The following ZNF596 variants were observed in gnomAD, a reference collection of about 807,000 sequenced individuals.
The protein encoded by ZNF596 is zinc finger protein 596.
In ZNF596, 45 loss-of-function variants were observed where a neutral mutation model predicts 48.3. The observed-to-expected ratio is 0.93, with a 90% CI of 0.73 to 1.19. ZNF596 has a LOEUF of 1.19. Among genes scored for constraint, ZNF596 ranks in the 50% most tolerant of loss-of-function variants. The pLI is 0.00. For synonymous variants in ZNF596, 270 were observed against 202.0 expected (o/e 1.34, Z -2.85); for missense variants, 848 against 599.7 (o/e 1.41, Z -4.32).
chr8:240,864 A>G lies in ZNF596; in HGVS notation c.-32A>G. The G allele has an allele frequency of 2.5e-6, 4 of 1,613,986 alleles. No homozygotes were observed. Among genetic ancestry groups the G allele is most frequent in the Non-Finnish European group, 3.4e-6 (4 of 1,179,884 alleles). ...GCTTGGATGGTGTGAGTGAAAACCC[A>G]GAGGAATACATTTGGTGGCTGAGCT... On this transcript the variant is annotated 5_prime_UTR_variant, in exon 2 of 6. Transcript: ENST00000398612.
chr8:232,586 G>C lies in ZNF596; in HGVS notation c.-181G>C. On this transcript the variant is annotated 5_prime_UTR_variant, in exon 1 of 6. Coordinates refer to ENST00000398612, the MANE Select transcript of ZNF596 (RefSeq NM_001042416.3). ...GAAATGCTCCGAAGCCTGTCGCCCA[G>C]CTGCCAGATCTGCGTCTGTGTCCGG... 3.1e-6 allele frequency: 1 copy of C among 319,920 alleles called. No homozygotes were observed. The highest frequency in any genetic ancestry group is 6.4e-6 in the Non-Finnish European group (1 of 155,912). 19.8% of individuals were successfully genotyped at this position (319,920 alleles called of 1,614,324 possible).
intron 5 of ZNF596, 44 bp downstream of exon 5, chr8:244,745 T>C (rs1271254264): frequency 6.5e-7 from 1 of 1,527,850 alleles, no homozygotes; most frequent in Non-Finnish European, 9.0e-7. Flanking sequence ...TATAGAAACC[T>C]GGACATTAAA....
chr8:232,229 G>A (rs1489065878), upstream of ZNF596: 2 of 159,838 alleles, frequency 1.3e-5, no homozygotes, highest in African/African-American at 4.8e-5. Context: ...CGGAGACACT[G>A]GCAGGGCCAG....
chr8:246,009 G>T lies in ZNF596; in HGVS notation c.1162G>T (p.Glu388Ter). Residue 388 changes from glutamate (E) to a stop codon, truncating the protein, a stop_gained, in exon 6 of 6, where the codon GAG becomes TAG. Coordinates refer to ENST00000398612, the MANE Select transcript of ZNF596 (RefSeq NM_001042416.3). LOFTEE classifies it high-confidence loss of function. Reference sequence around the variant, plus strand: ...ACGACATGAGAGAATTCACACTGGAGAGAAACCATATGAGTGCCATGTATG... The same window carrying T: ...ACGACATGAGAGAATTCACACTGGATAGAAACCATATGAGTGCCATGTATG... ...LKRHERIHTGEKPYECHVCGK... is the reference protein window; with the variant it reads ...LKRHERIHTG 1 of 1,614,114 alleles carries T rather than the reference G, an allele frequency of 6.2e-7. No individual in the cohort carries two copies. Among genetic ancestry groups the T allele is most frequent in the East Asian group, 2.2e-5 (1 of 44,860 alleles).
chr8:244,620 TA>T lies in ZNF596; in HGVS notation c.226del (p.Arg76GlufsTer27). 1 of 1,606,778 alleles carries T rather than the reference TA, an allele frequency of 6.2e-7. No homozygotes were observed. The highest frequency in any genetic ancestry group is 8.5e-7 in the Non-Finnish European group (1 of 1,175,484). On this transcript the variant is annotated frameshift_variant and splice_region_variant, in exon 5 of 6. Coordinates refer to ENST00000398612, the MANE Select transcript of ZNF596 (RefSeq NM_001042416.3). LOFTEE classifies it high-confidence loss of function. ...TCTTTTTTTTTTCATTTATTTCAGGTAGAGAAGTTGGCATTAAACATCAAGA... is the reference window on the plus strand; with the variant it reads ...TCTTTTTTTTTTCATTTATTTCAGGTGAGAAGTTGGCATTAAACATCAAGA... ...STQRISLLQG[R>X]EVGIKHQEIP...
intron 1 of ZNF596, among the ~76,000 whole-genome samples, chr8:240,150 T>C (rs1359700184): frequency 5.3e-5 from 8 of 152,214 alleles, no homozygotes; most frequent in Admixed American, 3.3e-4. Context: ...GTTTTCATGT[T>C]CTTAGTGTCC....
At chr8:243,625 C>A in intron 3 of ZNF596, 97 bp from the exon 4 acceptor site, 1 of 1,194,328 alleles carries the variant, frequency 8.4e-7, no homozygotes, top group Non-Finnish European at 1.2e-6. Context: ...CCTTCAGTGG[C>A]TAACTTATCC....
intron 1 of ZNF596, chr8:234,384 G>A (rs1796542589): frequency 6.6e-6 from 1 of 152,188 alleles, no homozygotes; most frequent in Admixed American, 6.5e-5. Context: ...CTGAATTCCT[G>A]GAGGTTCAGT....
In ZNF596 at chr8:232,940, A is replaced by G. The variant is rs552028703; in HGVS notation, c.-73+246A>G. 13 of 468,932 alleles carry G rather than the reference A, an allele frequency of 2.8e-5. No homozygotes were observed. In the East Asian group the frequency reaches 4.2e-4, roughly 15 times the overall value. The allele number at this position is 468,932 out of a possible 1,614,324, so 29.0% of individuals were successfully genotyped here. A position where few individuals can be genotyped will look rare whatever the true frequency, so the allele number is the denominator to read the frequency against. On this transcript the variant is annotated intron_variant, in intron 1 of 5. Transcript: ENST00000398612. The stretch of plus-strand genomic sequence containing the variant: ...GTAACAACCCTCGTGCTTCTGCACA[A>G]TCGCCTCCCACTAGCGGTGACTGTT...
intron 2 of ZNF596, among the ~76,000 whole-genome samples, chr8:241,859 T>G (rs561535017): frequency 1.3e-5 from 2 of 152,258 alleles, no homozygotes; most frequent in East Asian, 3.9e-4. Context: ...TCCAGAAACT[T>G]ACAATCATGG....
chr8:233,670 A>G (rs577527989), intron 1 of ZNF596: 1 of 152,478 alleles, frequency 6.6e-6, no homozygotes, highest in South Asian at 2.1e-4. Flanking sequence ...ATGTGTTCAT[A>G]ATGAATAGAC....
rs1408053502 is a variant in ZNF596 at position 246,195 on chromosome 8, A to G, written c.1348A>G (p.Asn450Asp). 4 of 1,613,782 alleles carry G rather than the reference A, an allele frequency of 2.5e-6. No individual in the cohort carries two copies. In the African/African-American group the frequency reaches 5.3e-5, roughly 22 times the overall value. The change falls in exon 6 of 6, where the codon AAT becomes GAT. Residue 450 changes from asparagine to aspartate, a missense_variant. Physicochemically the swap from Asn to Asp is conservative, Grantham distance 23. Coordinates refer to ENST00000398612, the MANE Select transcript of ZNF596 (RefSeq NM_001042416.3). Reference protein sequence around the residue: ...THTGEKPYECNICGKAFNRSY... With the variant: ...THTGEKPYECDICGKAFNRSY... Reference sequence around the variant, plus strand: ...CACTGGAGAGAAACCATATGAATGCAATATATGTGGTAAAGCCTTCAATAG... The same window carrying G: ...CACTGGAGAGAAACCATATGAATGCGATATATGTGGTAAAGCCTTCAATAG...
intron 1 of ZNF596, among the ~76,000 whole-genome samples, chr8:238,581 A>T (rs549012011): frequency 7.0e-6 from 1 of 143,152 alleles, no homozygotes; most frequent in African/African-American, 2.7e-5. Context: ...TAGGCAGATC[A>T]TTTGAGGCCA....
intron 4 of ZNF596, chr8:244,161 A>G (rs1796965316): frequency 4.6e-6 from 1 of 219,550 alleles, no homozygotes; most frequent in Non-Finnish European, 8.9e-6. Flanking sequence ...GAGTGCTGGG[A>G]TTACAGTCAT....
intron 3 of ZNF596, chr8:243,488 A>G (rs1308202434): frequency 7.3e-5 from 30 of 409,544 alleles, no homozygotes; most frequent in Non-Finnish European, 1.3e-4. Context: ...TTCTGAAATC[A>G]GTATTTGAAG....
chr8:235,730 C>A (rs12216727), intron 1 of ZNF596, among the ~76,000 whole-genome samples: 1 of 148,780 alleles, frequency 6.7e-6, no homozygotes, highest in Admixed American at 6.7e-5. Context: ...TCCTTCACGC[C>A]CTTTGATTTT....
chr8:239,677 G>T (rs549955330), intron 1 of ZNF596, among the ~76,000 whole-genome samples: 1 of 152,318 alleles, frequency 6.6e-6, no homozygotes, highest in South Asian at 2.1e-4. Flanking sequence ...TCTCCAAGCA[G>T]TTGGGGGGTA....
chr8:241,043 A>C lies in ZNF596; in HGVS notation c.12+136A>C, dbSNP rs1796833540. ...CAATTAAGATTCCCCAGGGCTTCGG[A>C]ATGTTTACATTGGCTCAAAGAGTCA... On this transcript the variant is annotated intron_variant, in intron 2 of 5. Transcript: ENST00000398612. 8 of 1,101,280 alleles carry C rather than the reference A, an allele frequency of 7.3e-6. No homozygotes were observed. The South Asian group carries it at 1.0e-4, about 14-fold the overall frequency. The allele number at this position is 1,101,280 out of a possible 1,614,324, so 68.2% of individuals were successfully genotyped here.
rs769683154 is a variant in ZNF596, at chr8:245,510, AC to A, written c.665del (p.Pro222HisfsTer50). On this transcript the variant is annotated frameshift_variant, in exon 6 of 6. Coordinates refer to ENST00000398612, the MANE Select transcript of ZNF596 (RefSeq NM_001042416.3). LOFTEE classifies it high-confidence loss of function. ...ATGAGATGATTCACACTGGAGAGAAACCACACGGATGTCATCTATGTGGGAA... is the reference window on the plus strand; with the variant it reads ...ATGAGATGATTCACACTGGAGAGAAACACACGGATGTCATCTATGTGGGAA... ...RHEMIHTGEKPHGCHLCGKAF... is the reference protein window; with the variant it reads ...RHEMIHTGEKXHGCHLCGKAF... The A allele has an allele frequency of 4.3e-6, 7 of 1,614,070 alleles. No individual in the cohort carries two copies. The highest frequency in any genetic ancestry group is 5.9e-6 in the Non-Finnish European group (7 of 1,180,030).
Sources: gnomAD v4.1 joint callset for allele counts (sites outside exome capture counted in the v4.1 genomes callset) on GRCh38, gnomAD v4.1.1 for gene constraint, MANE v1.5 for transcripts, NCBI Gene and HGNC (gene_info 2026-07-23, HGNC 2026-07-21) for gene names.